LRP1B: variants seen among roughly 807,000 people sequenced by gnomAD.
The protein encoded by LRP1B is LDL receptor related protein 1B, also known as low-density lipoprotein receptor-related protein 1B.
LRP1B carries 217 observed loss-of-function variants against 556.6 expected under a neutral mutation model. The ratio of observed to expected loss-of-function variants is 0.39; its 90% CI spans 0.35 to 0.44. LRP1B has a LOEUF of 0.44. LRP1B is among the 20% of genes least tolerant of loss of function. The pLI, the probability that LRP1B is intolerant of heterozygous loss-of-function variation, is 1.00. For synonymous variants in LRP1B, 2,047 were observed against 1,865.8 expected (o/e 1.10, Z -2.50); for missense variants, 5,053 against 5,620.8 (o/e 0.90, Z 3.23).
intron 2 of LRP1B, among the ~76,000 whole-genome samples, chr2:141,745,621 A>C (rs1460205812): frequency 1.3e-5 from 2 of 151,104 alleles, no homozygotes; most frequent in Admixed American, 1.3e-4. Flanking sequence ...AATGCCATCC[A>C]AGAGTCAAGG....
At position 140,270,341 on chromosome 2, in the gene LRP1B, G is replaced by A. The variant is rs1370177234; in HGVS notation, c.13148C>T (p.Thr4383Ile). The change falls in exon 86 of 91, where the codon ACT becomes ATT. Residue 4383 changes from threonine to isoleucine, a missense_variant. Thr to Ile is a moderately conservative substitution (Grantham distance 89). Transcript: ENST00000389484. ...ACAGCTAGAGGCAATCTTTCCATTA[G>A]TGCAGCTGCAACAACAAAGAAAAAA... ...KDSEDIFCNC[T>I]NGKIASSCQL... 1 of 1,603,048 alleles carries A rather than the reference G, an allele frequency of 6.2e-7. No individual in the cohort carries two copies. Among genetic ancestry groups the A allele is most frequent in the East Asian group, 2.2e-5 (1 of 44,742 alleles).
intron 1 of LRP1B, among the ~76,000 whole-genome samples, chr2:141,913,754 A>T (rs1038115076): frequency 6.7e-6 from 1 of 148,934 alleles, no homozygotes; most frequent in East Asian, 2.0e-4. Context: ...ACCCTCCTAC[A>T]TTTTTTTTTT....
chr2:141,480,181 G>A (rs969153971), intron 3 of LRP1B, among the ~76,000 whole-genome samples: 33 of 97,658 alleles, frequency 3.4e-4, no homozygotes, highest in African/African-American at 1.1e-3. Flanking sequence ...GTGTGTGTGT[G>A]TGTGTGTGTG....
chr2:140,430,035 T>C (rs562485194), intron 66 of LRP1B, among the ~76,000 whole-genome samples: 1 of 152,120 alleles, frequency 6.6e-6, no homozygotes, highest in African/African-American at 2.4e-5. Flanking sequence ...CCCCCATGAC[T>C]GCGTCTCTCT....
chr2:141,254,010 G>A (rs1684367835), intron 4 of LRP1B, among the ~76,000 whole-genome samples: 1 of 151,972 alleles, frequency 6.6e-6, no homozygotes, highest in South Asian at 2.1e-4. Context: ...CATTTTGGAG[G>A]ATAAATATTT....
intron 43 of LRP1B, among the ~76,000 whole-genome samples, chr2:140,562,799 A>T (rs925755866): frequency 6.6e-6 from 1 of 151,890 alleles, no homozygotes; most frequent in Non-Finnish European, 1.5e-5. Context: ...TATTTTTAGT[A>T]GAGATAGGGT....
chr2:141,641,237 A>C (rs1204962021), intron 2 of LRP1B, among the ~76,000 whole-genome samples: 1 of 152,098 alleles, frequency 6.6e-6, no homozygotes, highest in East Asian at 1.9e-4. Context: ...AGTGCCAGCA[A>C]TGATAATTGC....
chr2:140,609,733 T>G (rs113177249), intron 41 of LRP1B, among the ~76,000 whole-genome samples: 11 of 152,310 alleles, frequency 7.2e-5, no homozygotes, highest in African/African-American at 2.6e-4. Context: ...GTTGAGTGTT[T>G]CCATTTTGTT....
chr2:141,600,155 C>T (rs999468736), intron 2 of LRP1B, among the ~76,000 whole-genome samples: 1 of 152,112 alleles, frequency 6.6e-6, no homozygotes, highest in African/African-American at 2.4e-5. Context: ...GATCAATTCC[C>T]TTTCTAACCA....
intron 2 of LRP1B, among the ~76,000 whole-genome samples, chr2:141,706,322 G>T (rs1466713126): frequency 1.3e-5 from 2 of 152,086 alleles, no homozygotes; most frequent in Non-Finnish European, 2.9e-5. Flanking sequence ...CATTCTTCAA[G>T]AAGGCAGACA....
chr2:141,135,774 T>C (rs1701477100), intron 7 of LRP1B, among the ~76,000 whole-genome samples: 1 of 151,956 alleles, frequency 6.6e-6, no homozygotes, highest in African/African-American at 2.4e-5. Context: ...AGTATATACA[T>C]GTGGTTCAGT....
chr2:141,711,508 G>A (rs1177722451), intron 2 of LRP1B, among the ~76,000 whole-genome samples: 8 of 152,310 alleles, frequency 5.3e-5, no homozygotes, highest in African/African-American at 1.9e-4. Context: ...GACAGCAAGA[G>A]CCATGGAGAA....
intron 2 of LRP1B, among the ~76,000 whole-genome samples, chr2:141,704,065 A>G (rs575232294): frequency 1.3e-5 from 2 of 152,074 alleles, no homozygotes; most frequent in South Asian, 2.1e-4. Context: ...CTCAGGCTCA[A>G]TTAAAGATAA....
intron 18 of LRP1B, among the ~76,000 whole-genome samples, chr2:140,972,896 T>TA (rs1396804291): frequency 8.7e-5 from 13 of 149,802 alleles, no homozygotes; most frequent in Non-Finnish European, 7.4e-5. Flanking sequence ...ATAAATGAAA[T>TA]AAAAATATAG....
chr2:141,926,142 C>A (rs1700329215), intron 1 of LRP1B, among the ~76,000 whole-genome samples: 1 of 152,174 alleles, frequency 6.6e-6, no homozygotes, highest in Non-Finnish European at 1.5e-5. Flanking sequence ...GTTATTTCAA[C>A]ATGCATACAG....
intron 2 of LRP1B, among the ~76,000 whole-genome samples, chr2:141,523,985 G>A (rs1684610417): frequency 6.6e-6 from 1 of 152,122 alleles, no homozygotes; most frequent in South Asian, 2.1e-4. Context: ...TTGTCTGATA[G>A]AAGAGATTAA....
At chr2:140,856,738 TACACACACACACACACACACACAC>T (rs57220779) in intron 27 of LRP1B, among the ~76,000 whole-genome samples, 1 of 148,358 alleles carries the variant, frequency 6.7e-6, no homozygotes, top group African/African-American at 2.5e-5. Flanking sequence ...CTAAGAGAGA[TACACACACACACACACACACACAC>T]ACACACACAC....
Position 142,115,612 on chromosome 2 carries a change from A to ATATATATGTAATATATATAT in LRP1B, c.82+15016_82+15035dup, listed in dbSNP as rs1206898007. On this transcript the variant is annotated intron_variant, in intron 1 of 90. Transcript: ENST00000389484. ...ATATATTATATATGTAATATATATT[A>ATATATATGTAATATATATAT]TATATATGTAATATATATATTATAT... is the stretch of plus-strand genomic sequence containing the variant. Among the ~76,000 whole-genome samples the ATATATATGTAATATATATAT allele has an allele frequency of 1.1e-4, 3 of 26,430 alleles. 1 individual carries two copies. The highest frequency in any genetic ancestry group is 3.1e-3 in the East Asian group (2 of 650). The allele number at this position is 26,430 out of a possible 152,430, so 17.3% of individuals were successfully genotyped here.
intron 1 of LRP1B, among the ~76,000 whole-genome samples, chr2:141,832,335 A>T (rs1349857316): frequency 0.013 from 1,839 of 138,012 alleles, 36 homozygotes; most frequent in African/African-American, 0.041. Flanking sequence ...TCTCACACAC[A>T]CACACACACA....
Sources: allele counts gnomAD v4.1 joint callset (sites outside exome capture counted in the v4.1 genomes callset), GRCh38; gene constraint gnomAD v4.1.1; transcripts MANE v1.5; gene names NCBI Gene and HGNC (gene_info 2026-07-23, HGNC 2026-07-21).